VPS13D: variants seen among roughly 807,000 people sequenced by gnomAD.
VPS13D encodes intermembrane lipid transfer protein VPS13D.
VPS13D carries 187 observed loss-of-function variants against 461.9 expected under a neutral mutation model. The observed-to-expected ratio is 0.40, with a 90% CI of 0.36 to 0.46. VPS13D has a LOEUF of 0.46. Among genes scored for constraint, VPS13D ranks in the 20% least tolerant of loss-of-function variants. The pLI, the probability that VPS13D is intolerant of heterozygous loss-of-function variation, is 0.60. For missense variants in VPS13D, 4,711 were observed against 5,364.9 expected, an observed-to-expected ratio of 0.88 and a Z score of 3.81; for synonymous variants, 1,951 against 1,986.3, an observed-to-expected ratio of 0.98 and a Z score of 0.47.
intron 67 of VPS13D, among the ~76,000 whole-genome samples, chr1:12,480,035 C>T (rs942322841): frequency 5.3e-5 from 8 of 152,170 alleles, no homozygotes; most frequent in African/African-American, 1.7e-4. Flanking sequence ...GAGACCCTGG[C>T]CTTTTAGTGC....
chr1:12,240,226 C>T lies in VPS13D; in HGVS notation c.98-2287C>T, dbSNP rs573310879. ...TGCGAGTTGCCTGCAATTCCCTTTA[C>T]TTTCCCAAGGTTGTACAGCTGCCAG... On this transcript the variant is annotated intron_variant, in intron 2 of 69. Transcript: ENST00000620676. Among the ~76,000 whole-genome samples, 73 of 152,100 alleles carry T rather than the reference C, an allele frequency of 4.8e-4. 1 individual carries two copies. The highest frequency in any genetic ancestry group is 1.0e-3 in the Non-Finnish European group (68 of 68,022).
intron 2 of VPS13D, among the ~76,000 whole-genome samples, chr1:12,240,548 T>TCGCG (rs1640313578): frequency 7.6e-6 from 1 of 131,716 alleles, no homozygotes; most frequent in African/African-American, 3.0e-5. Flanking sequence ...TGAGCCGAGA[T>TCGCG]CGCGCCATTG....
At position 12,421,677 on chromosome 1, in the gene VPS13D, C is replaced by T. The variant is rs191221797; in HGVS notation, c.12333+4850C>T. Among the ~76,000 whole-genome samples the T allele has an allele frequency of 5.2e-4, 79 of 152,300 alleles. 1 individual carries two copies. Among genetic ancestry groups the T allele is most frequent in the Admixed American group, 4.5e-3 (69 of 15,300 alleles). On this transcript the variant is annotated intron_variant, in intron 65 of 69. Transcript: ENST00000620676. ...GCAAATGATCCCACTGTCTTTTCTG[C>T]CCCTGTAGAAACTGTGTTTGCTCTG...
chr1:12,244,148 C>A, intron 3 of VPS13D, 98 bp from the exon 4 acceptor site: 1 of 1,248,616 alleles, frequency 8.0e-7, no homozygotes, highest in Non-Finnish European at 1.1e-6. Context: ...GTAGTAACAG[C>A]AATCCATGCT....
chr1:12,283,835 T>A (rs531723452), intron 21 of VPS13D, 99 bp downstream of exon 21: 2 of 1,248,312 alleles, frequency 1.6e-6, no homozygotes, highest in East Asian at 2.5e-5. Flanking sequence ...AAAATATCTC[T>A]TGTTGGCAGG....
Position 12,505,173 on chromosome 1 carries a change from C to T in VPS13D, c.12795-1680C>T, listed in dbSNP as rs1258344990. Among the ~76,000 whole-genome samples the T allele has an allele frequency of 1.3e-5, 2 of 152,172 alleles. No individual in the cohort carries two copies. The highest frequency in any genetic ancestry group is 2.9e-5 in the Non-Finnish European group (2 of 68,036). On this transcript the variant is annotated intron_variant, in intron 68 of 69. Transcript: ENST00000620676. This position sits in a 1 kb window ranked among gnomAD's most constrained non-coding sequence, Gnocchi z 4.2. ...GCTTCCGGGTCTCATCTCAGATCCC[C>T]GCCAGTTCTGGCTGGCGCTGTGTCA...
At chr1:12,388,868 A>G (rs1385407376) in intron 60 of VPS13D, among the ~76,000 whole-genome samples, 1 of 152,222 alleles carries the variant, frequency 6.6e-6, no homozygotes, top group East Asian at 1.9e-4. Flanking sequence ...AAGATATAAC[A>G]TGTTGACCCT....
intron 20 of VPS13D, 115 bp from the exon 21 acceptor site, chr1:12,282,590 T>G: frequency 1.0e-6 from 1 of 991,724 alleles, no homozygotes; most frequent in Non-Finnish European, 1.5e-6. Context: ...GTCTTTGCTA[T>G]CAGGTAACTT....
intron 27 of VPS13D, among the ~76,000 whole-genome samples, chr1:12,309,201 A>G: frequency 6.8e-6 from 1 of 147,268 alleles, no homozygotes; most frequent in African/African-American, 2.5e-5. Flanking sequence ...GTTTGATTTG[A>G]TCTTTTTTTT....
chr1:12,459,125 A>G (rs1209595364), intron 66 of VPS13D, among the ~76,000 whole-genome samples: 2 of 152,214 alleles, frequency 1.3e-5, no homozygotes, highest in African/African-American at 4.8e-5. Flanking sequence ...TCAGCTCTCC[A>G]TATCCACAGA....
Position 12,378,527 on chromosome 1 carries a change from G to A in VPS13D, c.11017G>A (p.Ala3673Thr), listed in dbSNP as rs568422200. 5.6e-6 allele frequency: 9 copies of A among 1,610,948 alleles called. No homozygotes were observed. The highest frequency in any genetic ancestry group is 1.7e-4 in the Middle Eastern group (1 of 6,042). The part of the protein sequence containing the change: ...VPHNPNKPSA[A>T]RSTEGSAILD... ...TCACAATCCCAATAAGCCCTCAGCC[G>A]CCCGCTCCACCGAGGGGTCTGCCAT... The change falls in exon 56 of 70, where the codon GCC becomes ACC. Residue 3673 changes from alanine to threonine, a missense_variant. Coordinates refer to ENST00000620676, the MANE Select transcript of VPS13D (RefSeq NM_015378.4).
intron 65 of VPS13D, among the ~76,000 whole-genome samples, chr1:12,429,755 C>A (rs1366697466): frequency 6.6e-6 from 1 of 152,228 alleles, no homozygotes; most frequent in Non-Finnish European, 1.5e-5. Flanking sequence ...TCTAGCACAG[C>A]ACTGGGGCAC....
At chr1:12,230,829 C>T (rs1639945325) in intron 1 of VPS13D, among the ~76,000 whole-genome samples, 1 of 152,028 alleles carries the variant, frequency 6.6e-6, no homozygotes, top group Non-Finnish European at 1.5e-5. Flanking sequence ...GGTATGGGAT[C>T]CCGGCGCCGT....
intron 65 of VPS13D, among the ~76,000 whole-genome samples, chr1:12,442,413 C>T (rs934825623): frequency 1.3e-5 from 2 of 151,982 alleles, no homozygotes; most frequent in Admixed American, 6.6e-5. Context: ...TGGCTGTAAA[C>T]GAAGGTGAAA....
At chr1:12,381,024 G>A (rs1644265798) in intron 57 of VPS13D, among the ~76,000 whole-genome samples, 1 of 152,094 alleles carries the variant, frequency 6.6e-6, no homozygotes, top group Non-Finnish European at 1.5e-5. Flanking sequence ...CAATGCTCTT[G>A]GAGCATTTTC....
At chr1:12,404,166 T>TA (rs75598248) in intron 63 of VPS13D, among the ~76,000 whole-genome samples, 193 bp downstream of exon 63, 3,033 of 123,074 alleles carry the variant, frequency 0.025, 45 homozygotes, top group Admixed American at 0.052. Context: ...TATTTGTCTT[T>TA]AAAAAAAAAA....
intron 67 of VPS13D, among the ~76,000 whole-genome samples, chr1:12,486,743 T>G (rs78900734): frequency 0.032 from 4,908 of 151,994 alleles, 158 homozygotes; most frequent in Admixed American, 0.11. Flanking sequence ...AGAGGAGGAG[T>G]TCCACTGCGG....
chr1:12,366,348 T>C (rs1294476818), intron 52 of VPS13D, among the ~76,000 whole-genome samples: 1 of 152,216 alleles, frequency 6.6e-6, no homozygotes, highest in Non-Finnish European at 1.5e-5. Flanking sequence ...TTTTAGGAGC[T>C]GTTGGGTTTT....
chr1:12,484,351 A>T (rs1645767721), intron 67 of VPS13D, among the ~76,000 whole-genome samples: 1 of 152,238 alleles, frequency 6.6e-6, no homozygotes, highest in Non-Finnish European at 1.5e-5. Flanking sequence ...TCAAGGATGT[A>T]GATCTTATCC....
Sources: allele counts gnomAD v4.1 joint callset (sites outside exome capture counted in the v4.1 genomes callset), GRCh38; gene constraint gnomAD v4.1.1; non-coding constraint Gnocchi (gnomAD v3.1); transcripts MANE v1.5; gene names NCBI Gene and HGNC (gene_info 2026-07-23, HGNC 2026-07-21).